Variants in NAV3 observed in about 807,000 individuals in gnomAD.
The protein encoded by NAV3 is neuron navigator 3.
A neutral mutation model predicts 244.7 loss-of-function variants in NAV3; 87 were observed. The observed-to-expected ratio is 0.36, with a 90% confidence interval of 0.30 to 0.42. NAV3 has a LOEUF of 0.42. Among genes scored for constraint, NAV3 ranks in the 20% least tolerant of loss-of-function variants. NAV3 has a pLI of 1.00. For synonymous variants in NAV3, 1,126 were observed against 1,042.2 expected (o/e 1.08, Z -1.55); for missense variants, 2,663 against 2,893.3 (o/e 0.92, Z 1.83).
intron 2 of NAV3, among the ~76,000 whole-genome samples, chr12:77,638,159 A>G (rs1872239364): frequency 6.6e-6 from 1 of 152,212 alleles, no homozygotes; most frequent in Non-Finnish European, 1.5e-5. Flanking sequence ...GTCTTGTTCC[A>G]ATTAGATGCA....
At chr12:78,064,395 G>GTGCCTGTC (rs529560899) in intron 12 of NAV3, among the ~76,000 whole-genome samples, 169 of 140,038 alleles carry the variant, frequency 1.2e-3, no homozygotes, top group Non-Finnish European at 2.0e-3. Flanking sequence ...CTATCTATCT[G>GTGCCTGTC]TGTCTGTCTG....
At chr12:78,165,589 G>A (rs1488424131) in intron 23 of NAV3, among the ~76,000 whole-genome samples, 1 of 151,026 alleles carries the variant, frequency 6.6e-6, no homozygotes, top group Non-Finnish European at 1.5e-5. Flanking sequence ...TCCCCACTAT[G>A]GACAAAAATA....
chr12:77,736,436 G>A (rs1367041482), intron 2 of NAV3, among the ~76,000 whole-genome samples: 1 of 152,140 alleles, frequency 6.6e-6, no homozygotes, highest in African/African-American at 2.4e-5. Flanking sequence ...CTTGCTGGTG[G>A]TAACTTATGT....
At chr12:77,938,603 T>C (rs1375119729) in intron 1 of NAV3, among the ~76,000 whole-genome samples, 1 of 152,170 alleles carries the variant, frequency 6.6e-6, no homozygotes, top group Non-Finnish European at 1.5e-5. Flanking sequence ...TCTTCTGTGT[T>C]GTAATCTTGT....
intron 2 of NAV3, among the ~76,000 whole-genome samples, chr12:77,709,583 A>C (rs760096226): frequency 4.1e-4 from 63 of 152,238 alleles, no homozygotes; most frequent in Non-Finnish European, 7.9e-4. Context: ...TTAAATTATA[A>C]AATTTCCCTA....
chr12:77,582,040 T>TAGATCAGGTA (rs1330314866), intron 2 of NAV3, among the ~76,000 whole-genome samples: 3 of 152,212 alleles, frequency 2.0e-5, no homozygotes, highest in Non-Finnish European at 4.4e-5. Context: ...TGTAAAACTA[T>TAGATCAGGTA]AGATCAGGTA....
intron 2 of NAV3, among the ~76,000 whole-genome samples, chr12:77,753,746 A>G (rs1868983353): frequency 6.6e-6 from 1 of 152,224 alleles, no homozygotes; most frequent in African/African-American, 2.4e-5. Context: ...GGTACCATTT[A>G]TCAAGTGGTA....
intron 22 of NAV3, among the ~76,000 whole-genome samples, chr12:78,152,941 G>T (rs1167361457): frequency 2.6e-5 from 4 of 151,944 alleles, no homozygotes; most frequent in Non-Finnish European, 4.4e-5. Context: ...TTATAGGGAT[G>T]AATTTCAATG....
chr12:77,811,909 C>T (rs1231163824), intron 2 of NAV3, among the ~76,000 whole-genome samples: 1 of 152,172 alleles, frequency 6.6e-6, no homozygotes, highest in Non-Finnish European at 1.5e-5. Context: ...AAACTAGTTC[C>T]CATTTTTATC....
intron 1 of NAV3, among the ~76,000 whole-genome samples, chr12:77,912,850 G>A (rs943091925): frequency 1.3e-5 from 2 of 152,062 alleles, no homozygotes; most frequent in African/African-American, 4.8e-5. Context: ...GACCTCACGT[G>A]ATCCACCTGC....
At chr12:78,008,644 A>G (rs1428307069) in intron 8 of NAV3, among the ~76,000 whole-genome samples, 2 of 112,210 alleles carry the variant, frequency 1.8e-5, no homozygotes, top group East Asian at 5.9e-4. Flanking sequence ...AAAGCAGTTT[A>G]TACTGATTTA....
At chr12:77,641,627 A>T (rs921055766) in intron 2 of NAV3, among the ~76,000 whole-genome samples, 1 of 152,168 alleles carries the variant, frequency 6.6e-6, no homozygotes, top group Non-Finnish European at 1.5e-5. Context: ...AGCTTGTAAC[A>T]AAGTGGCTTC....
chr12:78,179,401 G>T, intron 28 of NAV3, 128 bp from the exon 29 acceptor site: 1 of 1,048,338 alleles, frequency 9.5e-7, no homozygotes, highest in Non-Finnish European at 1.4e-6. Context: ...TTTTCTCTAG[G>T]TTTTGCCAGC....
chr12:77,901,143 T>C (rs2136918362), intron 1 of NAV3, among the ~76,000 whole-genome samples: 1 of 152,328 alleles, frequency 6.6e-6, no homozygotes, highest in East Asian at 1.9e-4. Flanking sequence ...GGATGCACAG[T>C]TTGAGAATAT....
chr12:77,986,148 G>C (rs1030178488), intron 5 of NAV3, among the ~76,000 whole-genome samples: 5 of 152,146 alleles, frequency 3.3e-5, no homozygotes, highest in African/African-American at 1.2e-4. Context: ...GATCACTTGA[G>C]GTCAGGAGTT....
chr12:77,576,764 A>C (rs996107890), intron 2 of NAV3, among the ~76,000 whole-genome samples: 4 of 152,152 alleles, frequency 2.6e-5, no homozygotes, highest in African/African-American at 9.6e-5. Context: ...CAATAAAAAA[A>C]GAAAGTTTAG....
intron 2 of NAV3, among the ~76,000 whole-genome samples, chr12:77,593,964 T>C (rs986978810): frequency 2.3e-4 from 35 of 152,206 alleles, no homozygotes; most frequent in African/African-American, 7.2e-4. Context: ...GCCCAGCTTC[T>C]GTCACATGGT....
intron 2 of NAV3, among the ~76,000 whole-genome samples, chr12:77,656,596 C>A (rs1372969649): frequency 7.6e-6 from 1 of 132,150 alleles, no homozygotes; most frequent in African/African-American, 3.3e-5. Flanking sequence ...CTCAGCTCTG[C>A]ACCAAGCGGA....
chr12:78,134,919 C>G (rs536409196), intron 18 of NAV3, among the ~76,000 whole-genome samples: 1 of 152,224 alleles, frequency 6.6e-6, no homozygotes, highest in Non-Finnish European at 1.5e-5. Flanking sequence ...AAGTTGGTAG[C>G]CCTCTTTTTC....
Sources: allele counts gnomAD v4.1 joint callset (sites outside exome capture counted in the v4.1 genomes callset), GRCh38; gene constraint gnomAD v4.1.1; transcripts MANE v1.5; gene names NCBI Gene and HGNC (gene_info 2026-07-23, HGNC 2026-07-21).